The following PTPRD variants were observed in gnomAD, a reference collection of about 807,000 sequenced individuals.
PTPRD encodes protein tyrosine phosphatase receptor type D.
Under a neutral mutation model 214.5 loss-of-function variants are expected in PTPRD, and 34 were observed. The ratio of observed to expected loss-of-function variants is 0.16; its 90% confidence interval spans 0.12 to 0.21. The LOEUF (loss-of-function observed/expected upper bound fraction) is 0.21, where lower values mean the gene tolerates loss of function less well. Among genes scored for constraint, PTPRD ranks in the 10% least tolerant of loss-of-function variants. PTPRD has a pLI of 1.00. For missense variants in PTPRD, 2,545 were observed against 2,398.7 expected, an observed-to-expected ratio of 1.06 and a Z score of -1.27; for synonymous variants, 1,128 against 845.7, an observed-to-expected ratio of 1.33 and a Z score of -5.79.
intron 9 of PTPRD, among the ~76,000 whole-genome samples, chr9:9,303,045 G>T (rs941074478): frequency 6.6e-6 from 1 of 151,890 alleles, no homozygotes; most frequent in South Asian, 2.1e-4. Context: ...CATAAGAGAA[G>T]ACCTTTTCTT....
chr9:9,966,104 C>A (rs370239339), intron 4 of PTPRD, among the ~76,000 whole-genome samples: 1 of 152,014 alleles, frequency 6.6e-6, no homozygotes, highest in Non-Finnish European at 1.5e-5. Context: ...GCCCTCGACT[C>A]TACTGGCTTT....
chr9:9,136,285 GT>G (rs1420457774), intron 10 of PTPRD, among the ~76,000 whole-genome samples: 1 of 152,038 alleles, frequency 6.6e-6, no homozygotes, highest in Non-Finnish European at 1.5e-5. Flanking sequence ...GGTCATGGTT[GT>G]TTTTAGATTA....
At chr9:8,945,100 G>C (rs116151051) in intron 11 of PTPRD, among the ~76,000 whole-genome samples, 4 of 151,974 alleles carry the variant, frequency 2.6e-5, no homozygotes, top group Admixed American at 2.6e-4. Flanking sequence ...GAAAACCACA[G>C]CAATCTAAAA....
chr9:10,612,388 G>A lies in PTPRD; in HGVS notation c.-600+10C>T, dbSNP rs532183110. On this transcript the variant is annotated intron_variant, in intron 2 of 45. Coordinates refer to ENST00000381196, the MANE Select transcript of PTPRD (RefSeq NM_002839.4). ...TAGAGAAAAGAAAGACAGAAGCACAGTTTACTTACTAAAGCAGCCGCTCCA... is the reference window on the plus strand; with the variant it reads ...TAGAGAAAAGAAAGACAGAAGCACAATTTACTTACTAAAGCAGCCGCTCCA... The A allele has an allele frequency of 1.3e-5, 2 of 152,274 alleles. No individual in the cohort carries two copies. The highest frequency in any genetic ancestry group is 3.9e-4 in the East Asian group (2 of 5,148). The allele number at this position is 152,274 out of a possible 1,614,324, so 9.4% of individuals were successfully genotyped here.
At chr9:9,644,350 T>C (rs554118017) in intron 7 of PTPRD, among the ~76,000 whole-genome samples, 1 of 152,294 alleles carries the variant, frequency 6.6e-6, no homozygotes, top group African/African-American at 2.4e-5. Context: ...GTTGATTTAA[T>C]GCAGCAGAAA....
chr9:9,663,174 T>C lies in PTPRD; in HGVS notation c.-287+71359A>G, dbSNP rs552225341. On this transcript the variant is annotated intron_variant, in intron 7 of 45. Coordinates refer to ENST00000381196, the MANE Select transcript of PTPRD (RefSeq NM_002839.4). The stretch of plus-strand genomic sequence containing the variant: ...TCAAAAACTCAGAATTAAAATTAAA[T>C]GTCAGAATAGGTTTATCTCATAGGT... Among the ~76,000 whole-genome samples the C allele has an allele frequency of 1.2e-3, 177 of 151,572 alleles. 2 individuals are homozygous for C. The highest frequency in any genetic ancestry group is 3.4e-3 in the Middle Eastern group (1 of 294).
intron 35 of PTPRD, among the ~76,000 whole-genome samples, chr9:8,426,760 G>A (rs917842312): frequency 6.7e-6 from 1 of 149,798 alleles, no homozygotes; most frequent in African/African-American, 2.4e-5. Flanking sequence ...TACTATGAAA[G>A]ATACGAAGTT....
intron 5 of PTPRD, among the ~76,000 whole-genome samples, chr9:9,929,230 A>T (rs530540165): frequency 3.3e-5 from 5 of 152,224 alleles, no homozygotes; most frequent in Non-Finnish European, 7.3e-5. Context: ...GATTATCAAG[A>T]GTAAATTAAC....
intron 3 of PTPRD, among the ~76,000 whole-genome samples, chr9:10,140,417 A>C (rs916234314): frequency 1.3e-5 from 2 of 152,054 alleles, no homozygotes; most frequent in Non-Finnish European, 2.9e-5. Context: ...TAAAGGGGAT[A>C]TCACCACCGA....
chr9:8,633,566 G>T, intron 13 of PTPRD, 108 bp from the exon 14 acceptor site: 1 of 1,277,454 alleles, frequency 7.8e-7, no homozygotes, highest in Non-Finnish European at 1.1e-6. Context: ...AATAAACTAG[G>T]CATCATTCTG....
intron 37 of PTPRD, among the ~76,000 whole-genome samples, chr9:8,379,417 G>A (rs923229020): frequency 6.6e-6 from 1 of 152,100 alleles, no homozygotes; most frequent in South Asian, 2.1e-4. Flanking sequence ...GAATTTAAGG[G>A]CTTAGAGTTA....
Position 8,896,152 on chromosome 9 carries a change from C to A in PTPRD, c.-104+122545G>T, listed in dbSNP as rs537993114. On this transcript the variant is annotated intron_variant, in intron 11 of 45. Coordinates refer to ENST00000381196, the MANE Select transcript of PTPRD (RefSeq NM_002839.4). Reference sequence around the variant, plus strand: ...TAGTGATTTCATTTAAGTGAATAAACTGGGGGAAATGATTGCCTTTTAAAC... The same window carrying A: ...TAGTGATTTCATTTAAGTGAATAAAATGGGGGAAATGATTGCCTTTTAAAC... Among the ~76,000 whole-genome samples the A allele has an allele frequency of 1.5e-4, 23 of 152,212 alleles. 1 individual carries two copies. The highest frequency in any genetic ancestry group is 4.6e-4 in the African/African-American group (19 of 41,532).
At chr9:10,264,214 T>G (rs1240969603) in intron 3 of PTPRD, among the ~76,000 whole-genome samples, 4 of 152,166 alleles carry the variant, frequency 2.6e-5, no homozygotes, top group Non-Finnish European at 5.9e-5. Flanking sequence ...GAGTCCCCAC[T>G]GGGGCGCTGC....
chr9:8,861,568 A>G (rs1393898088), intron 11 of PTPRD: 1 of 152,214 alleles, frequency 6.6e-6, no homozygotes, highest in East Asian at 1.9e-4. Flanking sequence ...AAGTGAGGAA[A>G]CAGGACGAGA....
chr9:9,879,176 A>G (rs1017676627), intron 5 of PTPRD, among the ~76,000 whole-genome samples: 1 of 152,194 alleles, frequency 6.6e-6, no homozygotes. Context: ...AGAAATTGTA[A>G]TCAGTAGTAT....
rs143343331 is a variant in PTPRD, at chr9:9,790,133, C to A, written c.-367-23282G>T. Among the ~76,000 whole-genome samples the A allele has an allele frequency of 4.6e-3, 699 of 152,222 alleles. 6 individuals are homozygous for A. Among genetic ancestry groups the A allele is most frequent in the African/African-American group, 0.016 (656 of 41,536 alleles). ...TATCTGGCTGGGAATCTAGACTGTA[C>A]TATTCGTTAGCTCTCCATCCTCAGA... On this transcript the variant is annotated intron_variant, in intron 5 of 45. Coordinates refer to ENST00000381196, the MANE Select transcript of PTPRD (RefSeq NM_002839.4).
intron 3 of PTPRD, among the ~76,000 whole-genome samples, chr9:10,337,598 T>A (rs1048647395): frequency 3.3e-5 from 5 of 151,724 alleles, no homozygotes; most frequent in Non-Finnish European, 7.4e-5. Context: ...TTTGGGAATT[T>A]AAAAAAACCA....
intron 44 of PTPRD, among the ~76,000 whole-genome samples, chr9:8,322,057 T>TG (rs1828904337): frequency 1.3e-5 from 2 of 152,252 alleles, no homozygotes; most frequent in South Asian, 4.1e-4. Flanking sequence ...GCAATTGGTT[T>TG]GGGGTGCCAT....
intron 2 of PTPRD, among the ~76,000 whole-genome samples, chr9:10,411,745 TTATA>T (rs1271541446): frequency 2.0e-5 from 3 of 151,776 alleles, no homozygotes; most frequent in South Asian, 2.1e-4. Context: ...TAATAGGACT[TTATA>T]TAATCATTAG....
Sources: allele counts gnomAD v4.1 joint callset (sites outside exome capture counted in the v4.1 genomes callset), GRCh38; gene constraint gnomAD v4.1.1; transcripts MANE v1.5; gene names NCBI Gene and HGNC (gene_info 2026-07-23, HGNC 2026-07-21).